The following ANKRD36 variants were observed in gnomAD, a reference collection of about 807,000 sequenced individuals.
ANKRD36 encodes ankyrin repeat domain 36, also known as ankyrin repeat domain-containing protein 36A.
Under a neutral mutation model 278.1 loss-of-function variants are expected in ANKRD36, and 179 were observed. That is an observed-to-expected ratio of 0.64 (90% CI 0.57 to 0.73). ANKRD36 has a LOEUF of 0.73. Among genes scored for constraint, ANKRD36 ranks in the 30% least tolerant of loss-of-function variants. The pLI, the probability that ANKRD36 is intolerant of heterozygous loss-of-function variation, is 0.00. For synonymous variants in ANKRD36, 320 were observed against 641.1 expected, an observed-to-expected ratio of 0.50 and a Z score of 7.57; for missense variants, 1,159 against 1,956.7, an observed-to-expected ratio of 0.59 and a Z score of 7.69.
chr2:97,115,043 C>A (rs1200443870), intron 1 of ANKRD36, among the ~76,000 whole-genome samples: 1 of 152,030 alleles, frequency 6.6e-6, no homozygotes, highest in Non-Finnish European at 1.5e-5. Flanking sequence ...AATCCAGGAA[C>A]ACACCAATAT....
At chr2:97,186,701 G>A (rs543096720) in intron 30 of ANKRD36, among the ~76,000 whole-genome samples, 1 of 151,852 alleles carries the variant, frequency 6.6e-6, no homozygotes, top group African/African-American at 2.4e-5. Context: ...AAGAGACAGA[G>A]ACATAATGTG....
intron 22 of ANKRD36, among the ~76,000 whole-genome samples, chr2:97,172,857 G>GTGTGTGTT (rs1233952119): frequency 2.3e-3 from 347 of 148,544 alleles, no homozygotes; most frequent in African/African-American, 3.9e-3. Context: ...GTGTGTGTGT[G>GTGTGTGTT]TATGTGTGTG....
chr2:97,143,403 A>G (rs2043415122), intron 8 of ANKRD36, among the ~76,000 whole-genome samples: 1 of 152,200 alleles, frequency 6.6e-6, no homozygotes, highest in Non-Finnish European at 1.5e-5. Context: ...TTTGCATAGA[A>G]GAAGATTAGA....
rs1031378680 is a variant in ANKRD36 at position 97,179,952 on chromosome 2, T to C, written c.1735+19T>C. On this transcript the variant is annotated intron_variant, in intron 24 of 75. Transcript: ENST00000420699. ...GGGACAGGTAATTTTGCAAAACACA[T>C]CTAATGTCATGTTCAATCAAGATGG... 3 of 1,603,568 alleles carry C rather than the reference T, an allele frequency of 1.9e-6. No homozygotes were observed. The highest frequency in any genetic ancestry group is 2.2e-5 in the South Asian group (2 of 90,774).
intron 47 of ANKRD36, 31 bp from the exon 48 acceptor site, chr2:97,202,290 T>C (rs1558736323): frequency 3.8e-6 from 6 of 1,596,830 alleles, no homozygotes; most frequent in Admixed American, 1.7e-5. Context: ...AAACATACTT[T>C]ATTTATTATT....
chr2:97,194,684 A>T, intron 38 of ANKRD36, 42 bp from the exon 39 acceptor site: 1 of 1,596,386 alleles, frequency 6.3e-7, no homozygotes, highest in Non-Finnish European at 8.5e-7. Flanking sequence ...TAACTTTATC[A>T]TATTTACATG....
At chr2:97,256,662 TATTA>T (rs1332422956) in intron 75 of ANKRD36, among the ~76,000 whole-genome samples, 4 of 138,838 alleles carry the variant, frequency 2.9e-5, no homozygotes, top group African/African-American at 8.1e-5. Context: ...AGAAGTTCAG[TATTA>T]ATTCTTTCCA....
intron 36 of ANKRD36, among the ~76,000 whole-genome samples, chr2:97,191,439 C>CT (rs1323803388): frequency 4.0e-5 from 6 of 151,600 alleles, no homozygotes; most frequent in Non-Finnish European, 8.8e-5. Flanking sequence ...ATAAGGGGCT[C>CT]TGGGGAACAG....
chr2:97,157,436 G>A lies in ANKRD36; in HGVS notation c.1261-671G>A, dbSNP rs201666030. 7.1e-5 allele frequency among the ~76,000 whole-genome samples: 10 copies of A among 141,654 alleles called. No homozygotes were observed. In the South Asian group the frequency reaches 1.3e-3, roughly 19 times the overall value. 92.9% of individuals were successfully genotyped at this position (141,654 alleles called of 152,430 possible). A position where few individuals can be genotyped will look rare whatever the true frequency, so the allele number is the denominator to read the frequency against. On this transcript the variant is annotated intron_variant, in intron 15 of 75. Transcript: ENST00000420699. ...CAGTCTAATATTTTCCTTGCAGACC[G>A]CATGTCTTTAGTGTCTATTCTTTCA...
intron 67 of ANKRD36, among the ~76,000 whole-genome samples, chr2:97,226,376 T>G (rs2069627735): frequency 6.6e-6 from 1 of 151,802 alleles, no homozygotes. Flanking sequence ...TGATGGCCAG[T>G]GATGGTGAGC....
In ANKRD36 at chr2:97,118,442, C is replaced by T. The variant is rs940058480; in HGVS notation, c.411C>T (p.Tyr137=). 40 of 1,606,528 alleles carry T rather than the reference C, an allele frequency of 2.5e-5. No homozygotes were observed. Among genetic ancestry groups the T allele is most frequent in the Non-Finnish European group, 3.1e-5 (37 of 1,177,548 alleles). Residue 137 remains tyrosine (Y), a synonymous_variant, in exon 3 of 76, where the codon TAC becomes TAT. Coordinates refer to ENST00000420699, the MANE Select transcript of ANKRD36 (RefSeq NM_001354587.1). The stretch of plus-strand genomic sequence containing the variant: ...TCTTTGGAAGGACTGCTCTGCACTA[C>T]GCTGTGTATAATGAAGATACATCCA... ...TDFFGRTALH[Y]AVYNEDTSMI...
chr2:97,198,917 G>A (rs1236519713), intron 44 of ANKRD36, among the ~76,000 whole-genome samples: 11 of 151,812 alleles, frequency 7.2e-5, no homozygotes, highest in African/African-American at 2.4e-4. Flanking sequence ...AAGGGGCTCC[G>A]GGGAACAACA....
At chr2:97,134,740 C>T (rs1430230096) in intron 6 of ANKRD36, among the ~76,000 whole-genome samples, 2 of 152,008 alleles carry the variant, frequency 1.3e-5, no homozygotes, top group Non-Finnish European at 2.9e-5. Context: ...ATCTTGGTAG[C>T]TCCAGTGAGT....
chr2:97,158,696 G>C (rs2048134800), intron 17 of ANKRD36, 41 bp downstream of exon 17: 1 of 1,509,566 alleles, frequency 6.6e-7, no homozygotes, highest in Non-Finnish European at 8.9e-7. Flanking sequence ...AGAATAATCA[G>C]AGTCCAGTCC....
At chr2:97,150,911 A>G (rs2045791417) in intron 12 of ANKRD36, among the ~76,000 whole-genome samples, 1 of 151,672 alleles carries the variant, frequency 6.6e-6, no homozygotes. Context: ...TCTCTGTAGT[A>G]AGAATGTGTC....
At chr2:97,121,512 C>T (rs1236465678) in intron 3 of ANKRD36, among the ~76,000 whole-genome samples, 7 of 152,204 alleles carry the variant, frequency 4.6e-5, no homozygotes, top group African/African-American at 1.7e-4. Flanking sequence ...TGGTGGCACA[C>T]TCCTGTAGTC....
chr2:97,133,631 A>G (rs1345019424), intron 6 of ANKRD36, among the ~76,000 whole-genome samples: 1 of 151,976 alleles, frequency 6.6e-6, no homozygotes, highest in Non-Finnish European at 1.5e-5. Flanking sequence ...ATGTACTTTT[A>G]TATACTATAA....
chr2:97,200,100 A>T (rs535258529), intron 44 of ANKRD36, among the ~76,000 whole-genome samples: 1 of 151,992 alleles, frequency 6.6e-6, no homozygotes, highest in East Asian at 1.9e-4. Flanking sequence ...TTAGTTTTCG[A>T]CACATGACAA....
At position 97,220,729 on chromosome 2, in the gene ANKRD36, C is replaced by CTTT; in HGVS notation, c.3877+1499_3877+1501dup. ...CTCTTTTATAATACTGATTTTCTTG[C>CTTT]TTTTTTTTTTTTTTTTTTAATTTTT... On this transcript the variant is annotated intron_variant, in intron 66 of 75. Transcript: ENST00000420699. Among the ~76,000 whole-genome samples, 221 of 66,420 alleles carry CTTT rather than the reference C, an allele frequency of 3.3e-3. 4 individuals carry two copies. Among genetic ancestry groups the CTTT allele is most frequent in the African/African-American group, 0.013 (202 of 15,718 alleles). 43.6% of individuals were successfully genotyped at this position (66,420 alleles called of 152,430 possible).
Sources: gnomAD v4.1 joint callset for allele counts (sites outside exome capture counted in the v4.1 genomes callset) on GRCh38, gnomAD v4.1.1 for gene constraint, MANE v1.5 for transcripts, NCBI Gene and HGNC (gene_info 2026-07-23, HGNC 2026-07-21) for gene names.